The following MGLL variants were observed in gnomAD, a reference collection of about 807,000 sequenced individuals.
MGLL encodes the protein monoglyceride lipase, also known as lysophospholipase homolog.
MGLL carries 7 observed loss-of-function variants against 29.1 expected under a neutral mutation model. The ratio of observed to expected loss-of-function variants is 0.24; its 90% CI spans 0.14 to 0.45. The LOEUF (loss-of-function observed/expected upper bound fraction) is 0.45. Among genes scored for constraint, MGLL ranks in the 20% least tolerant of loss-of-function variants. The pLI, the probability that MGLL is intolerant of heterozygous loss-of-function variation, is 0.99. For missense variants in MGLL, 356 were observed against 413.6 expected, an observed-to-expected ratio of 0.86 and a Z score of 1.21; for synonymous variants, 148 against 168.3, an observed-to-expected ratio of 0.88 and a Z score of 0.93.
chr3:127,744,500 A>G (rs1348848295), intron 3 of MGLL, among the ~76,000 whole-genome samples: 2 of 152,252 alleles, frequency 1.3e-5, no homozygotes, highest in African/African-American at 2.4e-5. Context: ...TGGGTTGGCC[A>G]GAATCATCCA....
chr3:127,735,726 G>T (rs1287506199), intron 3 of MGLL: 1 of 1,598,050 alleles, frequency 6.3e-7, no homozygotes, highest in Admixed American at 1.7e-5. Flanking sequence ...TGGGTTTCCA[G>T]CACGTGCTCG....
Position 127,695,047 on chromosome 3 carries a change from G to T in MGLL, c.744C>A (p.Ala248=). ...CCCCTTTGCTGTCACATAGGCGATC[G>T]GCAGAGCCCTGGAGCAGCAGGAAGG... The part of the protein sequence containing the change: ...TVPFLLLQGS[A]DRLCDSKGAY... Residue 248 remains alanine, a synonymous_variant, in exon 7 of 8, where the codon GCC becomes GCA. Coordinates refer to ENST00000265052, the MANE Select transcript of MGLL (RefSeq NM_007283.7). The T allele has an allele frequency of 3.1e-6, 5 of 1,614,104 alleles. No homozygotes were observed. Among genetic ancestry groups the T allele is most frequent in the Non-Finnish European group, 4.2e-6 (5 of 1,180,018 alleles).
In MGLL at chr3:127,698,116, T is replaced by C. The variant is rs572497260; in HGVS notation, c.601-2926A>G. 4.6e-5 allele frequency among the ~76,000 whole-genome samples: 7 copies of C among 152,310 alleles called. No individual in the cohort carries two copies. The East Asian group carries it at 1.3e-3, about 29-fold the overall frequency. On this transcript the variant is annotated intron_variant, in intron 6 of 7. Coordinates refer to ENST00000265052, the MANE Select transcript of MGLL (RefSeq NM_007283.7). Reference sequence around the variant, plus strand: ...CCATGTCTTGATCACGTAGGCCCTGTTTACACAATGGCCTATTCTGGGCCT... The same window carrying C: ...CCATGTCTTGATCACGTAGGCCCTGCTTACACAATGGCCTATTCTGGGCCT...
intron 3 of MGLL, among the ~76,000 whole-genome samples, chr3:127,750,209 T>C (rs980968601): frequency 1.3e-5 from 2 of 152,032 alleles, no homozygotes; most frequent in African/African-American, 2.4e-5. Context: ...GTCCCGTTCG[T>C]CTCCTGGTGT....
intron 2 of MGLL, among the ~76,000 whole-genome samples, chr3:127,790,857 A>T (rs1370495887): frequency 1.3e-5 from 2 of 152,088 alleles, no homozygotes; most frequent in Non-Finnish European, 2.9e-5. Context: ...CTAGTCTAGG[A>T]GCCTGATCCT....
chr3:127,800,130 G>A lies in MGLL; in HGVS notation c.156-18235C>T, dbSNP rs138963874. 5.0e-4 allele frequency among the ~76,000 whole-genome samples: 76 copies of A among 152,306 alleles called. 1 individual carries two copies. In the East Asian group the frequency reaches 0.013, roughly 25 times the overall value. ...TCCTCCCCATGGTCAGGAACACAGA[G>A]AAGGCAATGACCAGCTTTGGTGATT... On this transcript the variant is annotated intron_variant, in intron 2 of 7. Transcript: ENST00000265052.
intron 3 of MGLL, among the ~76,000 whole-genome samples, chr3:127,772,382 C>T (rs370193615): frequency 2.8e-4 from 42 of 152,228 alleles, no homozygotes; most frequent in East Asian, 2.7e-3. Context: ...GTGTGAAGTC[C>T]GGAGAAGTCA....
intron 3 of MGLL, among the ~76,000 whole-genome samples, chr3:127,749,998 G>GA (rs1022626640): frequency 6.6e-6 from 1 of 152,144 alleles, no homozygotes; most frequent in African/African-American, 2.4e-5. Context: ...CAGGGACAGG[G>GA]AGAGATGGGG....
intron 6 of MGLL, among the ~76,000 whole-genome samples, chr3:127,707,454 G>A (rs2075625585): frequency 6.6e-6 from 1 of 152,222 alleles, no homozygotes; most frequent in African/African-American, 2.4e-5. Context: ...CCTTTTTGGG[G>A]TGGAATGATT....
At chr3:127,808,667 G>A (rs952928465) in intron 2 of MGLL, among the ~76,000 whole-genome samples, 3 of 152,186 alleles carry the variant, frequency 2.0e-5, no homozygotes, top group African/African-American at 7.2e-5. Context: ...ATGGATACTG[G>A]GGAGGCAACC....
intron 2 of MGLL, among the ~76,000 whole-genome samples, chr3:127,790,376 G>A (rs1433446528): frequency 6.6e-6 from 1 of 152,186 alleles, no homozygotes; most frequent in Non-Finnish European, 1.5e-5. Flanking sequence ...ATTAGGAATT[G>A]GGCATGGAGC....
chr3:127,814,087 C>T (rs1303453042), intron 2 of MGLL, among the ~76,000 whole-genome samples: 1 of 152,012 alleles, frequency 6.6e-6, no homozygotes, highest in Non-Finnish European at 1.5e-5. Flanking sequence ...GTTGCTAGAG[C>T]TGTGACTCCC....
chr3:127,753,506 A>G (rs1006537579), intron 3 of MGLL, among the ~76,000 whole-genome samples: 3 of 152,162 alleles, frequency 2.0e-5, no homozygotes, highest in African/African-American at 4.8e-5. Flanking sequence ...CATTCCACGG[A>G]TTCTACCAGC....
intron 3 of MGLL, among the ~76,000 whole-genome samples, chr3:127,738,995 C>A (rs1267321720): frequency 6.6e-6 from 1 of 152,232 alleles, no homozygotes; most frequent in African/African-American, 2.4e-5. Flanking sequence ...TAGTAGGCAG[C>A]ATTGAAGATG....
intron 5 of MGLL, chr3:127,710,876 G>C (rs1465591509): frequency 3.4e-6 from 2 of 595,762 alleles, no homozygotes; most frequent in Non-Finnish European, 6.1e-6. Flanking sequence ...CTCCACCTTG[G>C]GGGAGCTGGC....
intron 5 of MGLL, 114 bp downstream of exon 5, chr3:127,720,939 G>A: frequency 1.1e-6 from 1 of 875,806 alleles, no homozygotes; most frequent in South Asian, 1.4e-5. Flanking sequence ...TCACGCAATA[G>A]TGTCTGAGGT....
At chr3:127,738,106 C>T (rs1398771590) in intron 3 of MGLL, among the ~76,000 whole-genome samples, 1 of 151,808 alleles carries the variant, frequency 6.6e-6, no homozygotes, top group Non-Finnish European at 1.5e-5. Flanking sequence ...TTGAGACCAG[C>T]CTGGACAACA....
In MGLL at chr3:127,781,816, C is replaced by A. The variant is rs1202231347; in HGVS notation, c.235G>T (p.Asp79Tyr). The A allele has an allele frequency of 6.2e-7, 1 of 1,614,116 alleles. No individual in the cohort carries two copies. Among genetic ancestry groups the A allele is most frequent in the Non-Finnish European group, 8.5e-7 (1 of 1,180,020 alleles). The change falls in exon 3 of 8, where the codon GAC (aspartate) becomes TAC (tyrosine). Residue 79 changes from aspartate to tyrosine, a missense_variant. Transcript: ENST00000265052. Reference protein sequence around the residue: ...EELARMLMGLDLLVFAHDHVG... With the variant: ...EELARMLMGLYLLVFAHDHVG... The stretch of plus-strand genomic sequence containing the variant: ...TGGTCGTGGGCGAACACCAGCAGGT[C>A]CAGCCCCATCAGCATCCGAGCCAGC...
At chr3:127,747,631 G>A (rs1028726066) in intron 3 of MGLL, among the ~76,000 whole-genome samples, 1 of 152,224 alleles carries the variant, frequency 6.6e-6, no homozygotes, top group East Asian at 1.9e-4. Context: ...TGTAAGCACA[G>A]GGTCTCTGGT....
Sources: allele counts gnomAD v4.1 joint callset (sites outside exome capture counted in the v4.1 genomes callset), GRCh38; gene constraint gnomAD v4.1.1; transcripts MANE v1.5; gene names NCBI Gene and HGNC (gene_info 2026-07-23, HGNC 2026-07-21).